The following GRAMD1C variants were observed in gnomAD, a reference collection of about 807,000 sequenced individuals.
The protein encoded by GRAMD1C is GRAM domain containing 1C.
GRAMD1C carries 89 observed loss-of-function variants against 97.8 expected under a neutral mutation model. That is an observed-to-expected ratio of 0.91 (90% CI 0.77 to 1.09). The LOEUF is 1.09. GRAMD1C is among the 50% of genes least tolerant of loss of function. The probability of loss-of-function intolerance (pLI) is 0.00; values close to 1 mark genes in which losing one functional copy is unlikely to be tolerated. For missense variants in GRAMD1C, 740 were observed against 766.4 expected (o/e 0.97, Z 0.41); for synonymous variants, 256 against 267.0 (o/e 0.96, Z 0.40).
intron 2 of GRAMD1C, among the ~76,000 whole-genome samples, chr3:113,861,337 A>C (rs879939825): frequency 6.6e-6 from 1 of 152,146 alleles, no homozygotes; most frequent in Admixed American, 6.5e-5. Context: ...AAAATAGATA[A>C]ATTGGACCTC....
chr3:113,929,841 C>T (rs1937346744), intron 10 of GRAMD1C, among the ~76,000 whole-genome samples: 1 of 152,058 alleles, frequency 6.6e-6, no homozygotes, highest in African/African-American at 2.4e-5. Flanking sequence ...TCACTTCCTT[C>T]CTTTGATGAT....
At chr3:113,892,148 G>A (rs1424888760) in intron 6 of GRAMD1C, among the ~76,000 whole-genome samples, 1 of 152,044 alleles carries the variant, frequency 6.6e-6, no homozygotes, top group African/African-American at 2.4e-5. Context: ...GAAAAAGAAT[G>A]TTTTTAAAAG....
chr3:113,911,809 C>G (rs1936607673), intron 9 of GRAMD1C, among the ~76,000 whole-genome samples: 1 of 151,306 alleles, frequency 6.6e-6, no homozygotes, highest in Non-Finnish European at 1.5e-5. Flanking sequence ...CTCACTGCAA[C>G]CTCTGCCTCC....
At chr3:113,896,527 G>C (rs1212171333) in intron 6 of GRAMD1C, among the ~76,000 whole-genome samples, 2 of 152,048 alleles carry the variant, frequency 1.3e-5, no homozygotes, top group Non-Finnish European at 2.9e-5. Context: ...TATCAGTTGT[G>C]GTACAGTTAA....
chr3:113,923,988 C>A (rs76025567), intron 10 of GRAMD1C, among the ~76,000 whole-genome samples: 2,272 of 151,540 alleles, frequency 0.015, 60 homozygotes, highest in African/African-American at 0.052. Flanking sequence ...GTTTTAATTT[C>A]TTCCTGGCTC....
chr3:113,886,785 T>G (rs1366359674), intron 6 of GRAMD1C, among the ~76,000 whole-genome samples: 14 of 132,920 alleles, frequency 1.1e-4, no homozygotes, highest in Non-Finnish European at 1.3e-4. Context: ...TTGTTTTTTT[T>G]TTTTTTTTTT....
At chr3:113,885,617 T>C in intron 6 of GRAMD1C, 1 of 1,515,808 alleles carries the variant, frequency 6.6e-7, no homozygotes, top group Non-Finnish European at 9.2e-7. Context: ...TCCGGTTTTT[T>C]GTACGTAAGA....
chr3:113,839,111 C>G (rs1413346102), intron 1 of GRAMD1C, among the ~76,000 whole-genome samples, 175 bp downstream of exon 1: 1 of 152,146 alleles, frequency 6.6e-6, no homozygotes, highest in Non-Finnish European at 1.5e-5. Flanking sequence ...TGTGCCTCTG[C>G]GAGCCCTTTC....
chr3:113,893,283 C>T (rs1405689838), intron 6 of GRAMD1C, among the ~76,000 whole-genome samples: 1 of 152,020 alleles, frequency 6.6e-6, no homozygotes, highest in East Asian at 1.9e-4. Flanking sequence ...GGAATAAAAA[C>T]CTAAAAATCT....
chr3:113,872,391 C>CTTT (rs777339692), intron 3 of GRAMD1C, among the ~76,000 whole-genome samples: 98 of 117,450 alleles, frequency 8.3e-4, no homozygotes, highest in African/African-American at 1.2e-3. Flanking sequence ...TCTTTTTTTT[C>CTTT]TTTTTTTTTT....
intron 2 of GRAMD1C, among the ~76,000 whole-genome samples, chr3:113,859,349 T>G (rs1466422193): frequency 6.6e-6 from 1 of 152,188 alleles, no homozygotes; most frequent in African/African-American, 2.4e-5. Context: ...CTAGATGGAT[T>G]ATCTAGAAGT....
intron 2 of GRAMD1C, among the ~76,000 whole-genome samples, chr3:113,858,651 C>A (rs907160464): frequency 5.3e-5 from 8 of 152,252 alleles, no homozygotes; most frequent in African/African-American, 1.9e-4. Flanking sequence ...GCCTTGTCTT[C>A]CCAAAGTGCT....
At chr3:113,855,350 C>A (rs1428314613) in intron 2 of GRAMD1C, among the ~76,000 whole-genome samples, 1 of 151,984 alleles carries the variant, frequency 6.6e-6, no homozygotes, top group African/African-American at 2.4e-5. Flanking sequence ...AACAGTGACA[C>A]TGAATCCCAT....
At chr3:113,836,256 T>C (rs1034327345), upstream of GRAMD1C, among the ~76,000 whole-genome samples, 4 of 152,118 alleles carry the variant, frequency 2.6e-5, no homozygotes, top group Admixed American at 2.0e-4. Context: ...AGAACGAGAC[T>C]CTGTCTCAAA....
intron 2 of GRAMD1C, among the ~76,000 whole-genome samples, chr3:113,849,270 TA>T (rs1303955203): frequency 1.7e-5 from 2 of 119,706 alleles, no homozygotes; most frequent in Non-Finnish European, 3.6e-5. Flanking sequence ...GTTAATATTT[TA>T]TTTATTTATT....
intron 7 of GRAMD1C, among the ~76,000 whole-genome samples, chr3:113,902,091 A>G (rs1396986163): frequency 2.6e-5 from 4 of 152,346 alleles, no homozygotes; most frequent in Middle Eastern, 6.8e-3. Context: ...TACACTTTAC[A>G]TGAAGTGAAT....
chr3:113,913,278 A>T, intron 9 of GRAMD1C: 1 of 372,888 alleles, frequency 2.7e-6, no homozygotes, highest in African/African-American at 2.2e-5. Context: ...TAATCCCAGC[A>T]CTTTGGAAGG....
chr3:113,883,836 A>G (rs1047460105), intron 6 of GRAMD1C, among the ~76,000 whole-genome samples: 5 of 152,122 alleles, frequency 3.3e-5, no homozygotes, highest in African/African-American at 9.7e-5. Context: ...ATTGAAGGGA[A>G]ACTAACAATT....
intron 2 of GRAMD1C, among the ~76,000 whole-genome samples, chr3:113,866,972 G>A (rs1207664599): frequency 6.6e-6 from 1 of 152,082 alleles, no homozygotes; most frequent in Non-Finnish European, 1.5e-5. Context: ...GAGATTACAG[G>A]TGCCTGCCAC....
Sources: allele counts gnomAD v4.1 joint callset (sites outside exome capture counted in the v4.1 genomes callset), GRCh38; gene constraint gnomAD v4.1.1; transcripts MANE v1.5; gene names NCBI Gene and HGNC (gene_info 2026-07-23, HGNC 2026-07-21).